The following WDR7 variants were observed in gnomAD, a reference collection of about 807,000 sequenced individuals.
The protein encoded by WDR7 is WD repeat domain 7, also known as WD repeat-containing protein 7.
WDR7 carries 46 observed loss-of-function variants against 169.4 expected under a neutral mutation model. The ratio of observed to expected loss-of-function variants is 0.27; its 90% CI spans 0.21 to 0.35. The LOEUF is 0.35. WDR7 is among the 10% of genes least tolerant of loss of function. The pLI, the probability that WDR7 is intolerant of heterozygous loss-of-function variation, is 1.00. For synonymous variants in WDR7, 612 were observed against 666.8 expected (o/e 0.92, Z 1.27); for missense variants, 1,534 against 1,859.3 (o/e 0.83, Z 3.22).
chr18:56,911,559 A>G lies in WDR7; in HGVS notation c.3527-12363A>G, dbSNP rs189530379. 3.3e-5 allele frequency among the ~76,000 whole-genome samples: 5 copies of G among 152,352 alleles called. No homozygotes were observed. The East Asian group carries it at 9.6e-4, about 29-fold the overall frequency. On this transcript the variant is annotated intron_variant, in intron 21 of 27. Transcript: ENST00000254442. The stretch of plus-strand genomic sequence containing the variant: ...CTCCTACACTTACTCTAGTATCCAT[A>G]TCACAGTGTACTGAGTATTTAGTGT...
At chr18:56,938,736 A>T in intron 24 of WDR7, 54 bp downstream of exon 24, 1 of 1,589,370 alleles carries the variant, frequency 6.3e-7, no homozygotes, top group Non-Finnish European at 8.6e-7. Flanking sequence ...AAATATTCTA[A>T]TGAAGTAATA....
At chr18:56,956,567 GGTA>G (rs1326262621) in intron 25 of WDR7, among the ~76,000 whole-genome samples, 1 of 152,108 alleles carries the variant, frequency 6.6e-6, no homozygotes, top group Non-Finnish European at 1.5e-5. Flanking sequence ...AGGAGGTTGA[GGTA>G]GTTGGTTGTC....
In WDR7 at chr18:56,756,749, A is replaced by G; in HGVS notation, c.2156A>G (p.Asn719Ser). The change falls in exon 15 of 28, where the codon AAT becomes AGT. Residue 719 changes from asparagine to serine, a missense_variant. Asn to Ser is a conservative substitution (Grantham distance 46). Coordinates refer to ENST00000254442, the MANE Select transcript of WDR7 (RefSeq NM_015285.3). The part of the protein sequence containing the change: ...RPNTALISPE[N>S]LQKASGSSDK... ...AATACTGCTCTTATTTCCCCAGAGAATTTGCAAAAAGCATCTGGCAGTTCA... is the reference window on the plus strand; with the variant it reads ...AATACTGCTCTTATTTCCCCAGAGAGTTTGCAAAAAGCATCTGGCAGTTCA... 1 of 1,614,144 alleles carries G rather than the reference A, an allele frequency of 6.2e-7. No individual in the cohort carries two copies. Among genetic ancestry groups the G allele is most frequent in the Non-Finnish European group, 8.5e-7 (1 of 1,180,024 alleles).
chr18:56,789,400 G>T (rs1381833580), intron 19 of WDR7, among the ~76,000 whole-genome samples: 6 of 152,210 alleles, frequency 3.9e-5, no homozygotes, highest in Non-Finnish European at 1.5e-5. Flanking sequence ...TCCGCAGGAT[G>T]AAGTCACTTC....
chr18:57,011,185 T>A (rs2048131641), intron 26 of WDR7, among the ~76,000 whole-genome samples: 1 of 152,218 alleles, frequency 6.6e-6, no homozygotes. Flanking sequence ...CATATGCACA[T>A]GCATGTTAAT....
At chr18:56,883,369 A>G (rs2046139491) in intron 21 of WDR7, among the ~76,000 whole-genome samples, 1 of 152,072 alleles carries the variant, frequency 6.6e-6, no homozygotes, top group South Asian at 2.1e-4. Flanking sequence ...ATCACAGTTT[A>G]TCTTTACACA....
Position 56,673,876 on chromosome 18 carries a change from T to C in WDR7, c.159+1202T>C, listed in dbSNP as rs138393380. On this transcript the variant is annotated intron_variant, in intron 2 of 27. Coordinates refer to ENST00000254442, the MANE Select transcript of WDR7 (RefSeq NM_015285.3). ...CTCATTCTCCCTAGACCACCACTAA[T>C]CTACCTTCTGTCACTAACGTCGTGA... is the stretch of plus-strand genomic sequence containing the variant. 7.2e-5 allele frequency among the ~76,000 whole-genome samples: 11 copies of C among 152,136 alleles called. No homozygotes were observed. The East Asian group carries it at 1.9e-3, about 27-fold the overall frequency.
chr18:56,875,164 T>C (rs2046006409), intron 20 of WDR7, among the ~76,000 whole-genome samples: 1 of 152,220 alleles, frequency 6.6e-6, no homozygotes, highest in African/African-American at 2.4e-5. Flanking sequence ...GTATCTACTT[T>C]TGTTACCAGG....
chr18:56,682,657 T>C (rs1454168614), intron 4 of WDR7, 22 bp from the exon 5 acceptor site: 2 of 1,602,186 alleles, frequency 1.2e-6, no homozygotes, highest in South Asian at 1.1e-5. Context: ...AGAAATCTTT[T>C]TTCCTTTTGG....
chr18:57,024,266 A>C (rs918860701), intron 27 of WDR7, among the ~76,000 whole-genome samples: 6 of 152,190 alleles, frequency 3.9e-5, no homozygotes, highest in African/African-American at 1.4e-4. Flanking sequence ...TTCAAGGCTC[A>C]AGATGTCCTT....
At position 57,028,733 on chromosome 18, in the gene WDR7, A is replaced by G. The variant is rs1268968488; in HGVS notation, c.*1526A>G. Reference sequence around the variant, plus strand: ...ACTGAAACAGATTTTTAAAGAGCATATTAAGAAATTAAGACCATTAGATCA... The same window carrying G: ...ACTGAAACAGATTTTTAAAGAGCATGTTAAGAAATTAAGACCATTAGATCA... On this transcript the variant is annotated 3_prime_UTR_variant, in exon 28 of 28. Coordinates refer to ENST00000254442, the MANE Select transcript of WDR7 (RefSeq NM_015285.3). 1 of 152,652 alleles carries G rather than the reference A, an allele frequency of 6.6e-6. No individual in the cohort carries two copies. The highest frequency in any genetic ancestry group is 2.4e-5 in the African/African-American group (1 of 41,468). 9.5% of individuals were successfully genotyped at this position (152,652 alleles called of 1,614,324 possible).
Position 56,935,911 on chromosome 18 carries a change from CG to C in WDR7, c.3831+8del, listed in dbSNP as rs1568275293. On this transcript the variant is annotated splice_region_variant and intron_variant, in intron 23 of 27. Transcript: ENST00000254442. Reference sequence around the variant, plus strand: ...TCACCACCATAGCCAAAGAGGTGAGCGGAACTTCTCAGTGTGCTCCATCTTC... The same window carrying C: ...TCACCACCATAGCCAAAGAGGTGAGCGAACTTCTCAGTGTGCTCCATCTTC... 1 of 1,609,362 alleles carries C rather than the reference CG, an allele frequency of 6.2e-7. No homozygotes were observed. The highest frequency in any genetic ancestry group is 1.1e-5 in the South Asian group (1 of 90,562).
At chr18:56,672,872 A>G (rs1050790419) in intron 2 of WDR7, among the ~76,000 whole-genome samples, 198 bp downstream of exon 2, 1 of 152,170 alleles carries the variant, frequency 6.6e-6, no homozygotes, top group African/African-American at 2.4e-5. Flanking sequence ...GCCATTTTCA[A>G]TTGTAATATC....
intron 26 of WDR7, among the ~76,000 whole-genome samples, chr18:56,963,661 A>T (rs2047365866): frequency 6.6e-6 from 1 of 152,126 alleles, no homozygotes; most frequent in Admixed American, 6.6e-5. Context: ...TATTTGCCAT[A>T]CTTGTTTAAC....
chr18:57,006,339 G>A (rs2048058220), intron 26 of WDR7, among the ~76,000 whole-genome samples: 1 of 151,336 alleles, frequency 6.6e-6, no homozygotes, highest in African/African-American at 2.4e-5. Context: ...CTTCAAGATT[G>A]TAGTTATTTA....
At chr18:56,865,291 C>G (rs904376201) in intron 20 of WDR7, among the ~76,000 whole-genome samples, 1 of 152,066 alleles carries the variant, frequency 6.6e-6, no homozygotes, top group African/African-American at 2.4e-5. Flanking sequence ...GCCTATTTCT[C>G]AAAGCTTCAG....
intron 26 of WDR7, among the ~76,000 whole-genome samples, chr18:56,983,568 C>CAGAGAG (rs749831335): frequency 6.9e-6 from 1 of 145,200 alleles, no homozygotes; most frequent in Non-Finnish European, 1.5e-5. Context: ...CACACACACA[C>CAGAGAG]ACAGAGAGAG....
At chr18:56,925,837 A>G (rs919532759) in intron 22 of WDR7, among the ~76,000 whole-genome samples, 12 of 152,168 alleles carry the variant, frequency 7.9e-5, no homozygotes, top group African/African-American at 2.9e-4. Context: ...ACTACCATGC[A>G]TCCTAAACTT....
rs527924902 is a variant in WDR7, at chr18:56,759,789, GTAGTTTTA to G, written c.2848+837_2848+844del. On this transcript the variant is annotated intron_variant, in intron 16 of 27. Coordinates refer to ENST00000254442, the MANE Select transcript of WDR7 (RefSeq NM_015285.3). ...TTTTTAAGTTTGAAAGAGTCAAACAGTAGTTTTACAAGGTTTGTTAAACAGTAGACCCC... is the reference window on the plus strand; with the variant it reads ...TTTTTAAGTTTGAAAGAGTCAAACAGCAAGGTTTGTTAAACAGTAGACCCC... Among the ~76,000 whole-genome samples, 527 of 152,222 alleles carry G rather than the reference GTAGTTTTA, an allele frequency of 3.5e-3. 1 individual carries two copies. The highest frequency in any genetic ancestry group is 5.3e-3 in the Non-Finnish European group (361 of 67,990).
Sources: allele counts gnomAD v4.1 joint callset (sites outside exome capture counted in the v4.1 genomes callset), GRCh38; gene constraint gnomAD v4.1.1; transcripts MANE v1.5; gene names NCBI Gene and HGNC (gene_info 2026-07-23, HGNC 2026-07-21).